IL26: variants seen among roughly 807,000 people sequenced by gnomAD.
IL26 encodes interleukin 26.
In IL26, 23 loss-of-function variants were observed where a neutral mutation model predicts 21.7. The observed-to-expected ratio is 1.06, with a 90% CI of 0.76 to 1.50. IL26 has a LOEUF of 1.50. Among genes scored for constraint, IL26 ranks in the 40% most tolerant of loss-of-function variants. The pLI, the probability that IL26 is intolerant of heterozygous loss-of-function variation, is 0.00. For missense variants in IL26, 204 were observed against 196.0 expected, an observed-to-expected ratio of 1.04 and a Z score of -0.24; for synonymous variants, 63 against 67.8, an observed-to-expected ratio of 0.93 and a Z score of 0.34.
At chr12:68,223,834 G>A (rs1869132955) in intron 3 of IL26, among the ~76,000 whole-genome samples, 1 of 149,366 alleles carries the variant, frequency 6.7e-6, no homozygotes, top group African/African-American at 2.5e-5. Flanking sequence ...CCTAAGTAAG[G>A]GTATAACAAA....
intron 3 of IL26, among the ~76,000 whole-genome samples, chr12:68,219,966 A>T (rs1869001836): frequency 6.6e-6 from 1 of 152,076 alleles, no homozygotes; most frequent in Admixed American, 6.5e-5. Context: ...GGTGAATTTG[A>T]TGAGATGAAT....
Position 68,201,528 on chromosome 12 carries a change from T to A in IL26, c.*317A>T. ...TGTCATTCCCCCTCCACCCCCCACA[T>A]CCCACTCCACACACAAATATTACAC... On this transcript the variant is annotated 3_prime_UTR_variant, in exon 5 of 5. Coordinates refer to ENST00000229134, the MANE Select transcript of IL26 (RefSeq NM_018402.2). 4 of 211,896 alleles carry A rather than the reference T, an allele frequency of 1.9e-5. No individual in the cohort carries two copies. Among genetic ancestry groups the A allele is most frequent in the East Asian group, 1.2e-4 (1 of 8,278 alleles). 13.1% of individuals were successfully genotyped at this position (211,896 alleles called of 1,614,324 possible).
At chr12:68,212,309 G>C (rs1268538674) in intron 3 of IL26, among the ~76,000 whole-genome samples, 1 of 152,112 alleles carries the variant, frequency 6.6e-6, no homozygotes, top group African/African-American at 2.4e-5. Flanking sequence ...TTGAAGTCAG[G>C]TAGTGTGATG....
chr12:68,222,575 G>A (rs1869084593), intron 3 of IL26, among the ~76,000 whole-genome samples: 1 of 152,136 alleles, frequency 6.6e-6, no homozygotes, highest in African/African-American at 2.4e-5. Context: ...GAAACAGAAT[G>A]GGCCATTTCC....
chr12:68,215,032 G>A (rs576914619), intron 3 of IL26, among the ~76,000 whole-genome samples: 3 of 151,474 alleles, frequency 2.0e-5, no homozygotes, highest in Non-Finnish European at 2.9e-5. Context: ...TGGTTACCAC[G>A]AGGCTTACAA....
At chr12:68,211,185 A>T (rs1868718701) in intron 3 of IL26, among the ~76,000 whole-genome samples, 1 of 152,200 alleles carries the variant, frequency 6.6e-6, no homozygotes, top group African/African-American at 2.4e-5. Flanking sequence ...AACAGGAAAT[A>T]GTTGTCTTTC....
At position 68,211,433 on chromosome 12, in the gene IL26, T is replaced by C. The variant is rs181907212; in HGVS notation, c.364-9350A>G. Reference sequence around the variant, plus strand: ...TTAGGATATATATCCAGTAGTGAGATTGCTGAATCACATGGTAGTTATACT... The same window carrying C: ...TTAGGATATATATCCAGTAGTGAGACTGCTGAATCACATGGTAGTTATACT... On this transcript the variant is annotated intron_variant, in intron 3 of 4. Coordinates refer to ENST00000229134, the MANE Select transcript of IL26 (RefSeq NM_018402.2). Among the ~76,000 whole-genome samples the C allele has an allele frequency of 1.9e-3, 283 of 152,308 alleles. 2 individuals carry two copies. The highest frequency in any genetic ancestry group is 0.01 in the South Asian group (50 of 4,824).
In IL26 at chr12:68,225,126, C is replaced by G. The variant is rs377625824; in HGVS notation, c.363+23G>C. ...AAACAGGTTTCTAGGATCAAATGCACAGTATTTGTTGTGTATACTTACACA... is the reference window on the plus strand; with the variant it reads ...AAACAGGTTTCTAGGATCAAATGCAGAGTATTTGTTGTGTATACTTACACA... On this transcript the variant is annotated intron_variant, in intron 3 of 4. Coordinates refer to ENST00000229134, the MANE Select transcript of IL26 (RefSeq NM_018402.2). The G allele has an allele frequency of 7.6e-6, 12 of 1,574,566 alleles. No individual in the cohort carries two copies. In the African/African-American group the frequency reaches 1.2e-4, roughly 16 times the overall value.
rs368065056 is a variant in IL26 at position 68,225,558 on chromosome 12, A to G, written c.171+28T>C. 14 of 1,612,780 alleles carry G rather than the reference A, an allele frequency of 8.7e-6. No individual in the cohort carries two copies. The Middle Eastern group carries it at 1.2e-3, about 133-fold the overall frequency. On this transcript the variant is annotated intron_variant, in intron 1 of 4. Coordinates refer to ENST00000229134, the MANE Select transcript of IL26 (RefSeq NM_018402.2). ...CAAGATTGTAAATGTCCTTGAGGTC[A>G]TGATTTTAAGCAGAGCCTAATACTT... is the stretch of plus-strand genomic sequence containing the variant.
intron 3 of IL26, among the ~76,000 whole-genome samples, chr12:68,220,193 C>T (rs1404080241): frequency 3.3e-5 from 5 of 151,988 alleles, no homozygotes; most frequent in African/African-American, 1.2e-4. Context: ...AAGGTAAACC[C>T]TTTTCAACTT....
chr12:68,203,683 G>A (rs553695039), intron 3 of IL26, among the ~76,000 whole-genome samples: 1 of 152,250 alleles, frequency 6.6e-6, no homozygotes, highest in East Asian at 1.9e-4. Context: ...AAATGCTGAG[G>A]TCAACCAACA....
At chr12:68,223,750 A>G (rs1869130882) in intron 3 of IL26, among the ~76,000 whole-genome samples, 1 of 152,188 alleles carries the variant, frequency 6.6e-6, no homozygotes, top group Non-Finnish European at 1.5e-5. Flanking sequence ...AGAGGTATCA[A>G]TTTGTAATTT....
At chr12:68,204,543 C>T (rs1868480350) in intron 3 of IL26, among the ~76,000 whole-genome samples, 1 of 152,192 alleles carries the variant, frequency 6.6e-6, no homozygotes, top group Non-Finnish European at 1.5e-5. Context: ...TCAACTGTGT[C>T]TTCTACCTGG....
intron 3 of IL26, among the ~76,000 whole-genome samples, chr12:68,214,745 A>G (rs1168531223): frequency 2.6e-5 from 4 of 152,150 alleles, no homozygotes; most frequent in Non-Finnish European, 4.4e-5. Context: ...CAAGTTTCTT[A>G]TAGGTGGCAT....
intron 3 of IL26, among the ~76,000 whole-genome samples, chr12:68,205,159 A>G (rs1037207358): frequency 6.6e-6 from 1 of 152,170 alleles, no homozygotes; most frequent in Non-Finnish European, 1.5e-5. Flanking sequence ...TATTAAGTCA[A>G]TATATATTTA....
chr12:68,213,584 A>G (rs909810676), intron 3 of IL26, among the ~76,000 whole-genome samples: 1 of 152,040 alleles, frequency 6.6e-6, no homozygotes, highest in Non-Finnish European at 1.5e-5. Context: ...GTCTTTCTTC[A>G]TGGCTTAATC....
intron 3 of IL26, among the ~76,000 whole-genome samples, chr12:68,204,773 C>T (rs928000451): frequency 5.3e-5 from 8 of 152,150 alleles, no homozygotes; most frequent in Admixed American, 4.6e-4. Context: ...GCACTGCTTA[C>T]TACGAGTGAC....
chr12:68,202,881 T>C (rs2870946), intron 3 of IL26, among the ~76,000 whole-genome samples: 10,471 of 152,214 alleles, frequency 0.069, 363 homozygotes, highest in African/African-American at 0.097. Flanking sequence ...GAGGAAAATA[T>C]GCTCCTCCGA....
In IL26 at chr12:68,217,295, A is replaced by T. The variant is rs139447359; in HGVS notation, c.363+7854T>A. 1.2e-4 allele frequency among the ~76,000 whole-genome samples: 18 copies of T among 152,308 alleles called. No homozygotes were observed. In the East Asian group the frequency reaches 3.1e-3, roughly 26 times the overall value. On this transcript the variant is annotated intron_variant, in intron 3 of 4. Coordinates refer to ENST00000229134, the MANE Select transcript of IL26 (RefSeq NM_018402.2). Reference sequence around the variant, plus strand: ...TTTATCTTAAGAGTGGCTCAAGAAAACGGACTTGCAAGGAAGCCCAAAAGG... The same window carrying T: ...TTTATCTTAAGAGTGGCTCAAGAAATCGGACTTGCAAGGAAGCCCAAAAGG...
Sources: allele counts gnomAD v4.1 joint callset (sites outside exome capture counted in the v4.1 genomes callset), GRCh38; gene constraint gnomAD v4.1.1; transcripts MANE v1.5; gene names NCBI Gene and HGNC (gene_info 2026-07-23, HGNC 2026-07-21).